The following CBLB variants were observed in gnomAD, a reference collection of about 807,000 sequenced individuals.
CBLB encodes E3 ubiquitin-protein ligase CBL-B.
CBLB carries 31 observed loss-of-function variants against 104.9 expected under a neutral mutation model. The ratio of observed to expected loss-of-function variants is 0.30; its 90% CI spans 0.22 to 0.40. The LOEUF (loss-of-function observed/expected upper bound fraction) is 0.40, where lower values mean the gene tolerates loss of function less well. Ranked by LOEUF, CBLB falls within the 10% of genes least tolerant of loss-of-function variation. The pLI is 1.00. For synonymous variants in CBLB, 440 were observed against 422.6 expected (o/e 1.04, Z -0.51); for missense variants, 1,062 against 1,214.6 (o/e 0.87, Z 1.87).
chr3:105,836,061 C>T (rs1207142292), intron 3 of CBLB, among the ~76,000 whole-genome samples: 2 of 152,174 alleles, frequency 1.3e-5, no homozygotes, highest in African/African-American at 2.4e-5. Context: ...CACTGCTTGC[C>T]TTTTGTGCCT....
chr3:105,707,557 T>C (rs2070355480), intron 10 of CBLB, among the ~76,000 whole-genome samples: 1 of 152,188 alleles, frequency 6.6e-6, no homozygotes, highest in African/African-American at 2.4e-5. Context: ...ATTATGCAGT[T>C]AGTGTACTGA....
Position 105,720,234 on chromosome 3 carries a change from C to T in CBLB, c.1220G>A (p.Gly407Asp), listed in dbSNP as rs2152826621. The T allele has an allele frequency of 6.2e-7, 1 of 1,612,846 alleles. No homozygotes were observed. Among genetic ancestry groups the T allele is most frequent in the Non-Finnish European group, 8.5e-7 (1 of 1,179,532 alleles). Residue 407 changes from glycine to aspartate, a missense_variant, in exon 10 of 19, where the codon GGC becomes GAC. This residue lies in a region of CBLB where 457 missense variants were observed against 632.0 expected (regional missense o/e 0.72). Transcript: ENST00000394030. ...LTAWQESDGQGCPFCRCEIKG... is the reference protein window; with the variant it reads ...LTAWQESDGQDCPFCRCEIKG... Reference sequence around the variant, plus strand: ...TATTTCACAACGACAGAAAGGGCAGCCCTGACCATCCGACTCCTAAACAAA... The same window carrying T: ...TATTTCACAACGACAGAAAGGGCAGTCCTGACCATCCGACTCCTAAACAAA...
At chr3:105,806,396 T>G (rs1157990663) in intron 3 of CBLB, among the ~76,000 whole-genome samples, 3 of 146,482 alleles carry the variant, frequency 2.0e-5, no homozygotes, top group Non-Finnish European at 4.5e-5. Context: ...GTCTATATTC[T>G]CAAATATTCA....
chr3:105,666,106 G>A lies in CBLB; in HGVS notation c.2689+4127C>T, dbSNP rs569015513. Among the ~76,000 whole-genome samples the A allele has an allele frequency of 1.4e-3, 212 of 151,788 alleles. 3 individuals are homozygous for A. Among genetic ancestry groups the A allele is most frequent in the African/African-American group, 4.8e-3 (197 of 41,412 alleles). On this transcript the variant is annotated intron_variant, in intron 18 of 18. Coordinates refer to ENST00000394030, the MANE Select transcript of CBLB (RefSeq NM_170662.5). ...ATAGTAAATGCTTAACAAACTTAAC[G>A]AATTTTAATTAGACAAAATAATATT... is the stretch of plus-strand genomic sequence containing the variant.
At chr3:105,800,240 C>G (rs1312113099) in intron 3 of CBLB, among the ~76,000 whole-genome samples, 2 of 152,122 alleles carry the variant, frequency 1.3e-5, no homozygotes, top group African/African-American at 4.8e-5. Context: ...ACCAGTATCC[C>G]AGAGAATCAA....
intron 4 of CBLB, among the ~76,000 whole-genome samples, chr3:105,770,494 C>G (rs2078744120): frequency 6.6e-6 from 1 of 152,146 alleles, no homozygotes; most frequent in African/African-American, 2.4e-5. Context: ...CACAGGGACC[C>G]TCTGGAAGTC....
chr3:105,666,273 T>G (rs2064450233), intron 18 of CBLB, among the ~76,000 whole-genome samples: 1 of 152,150 alleles, frequency 6.6e-6, no homozygotes, highest in Non-Finnish European at 1.5e-5. Flanking sequence ...ATACACTTAA[T>G]TGATCAAGGA....
At chr3:105,677,844 AAT>A (rs1455873910) in intron 17 of CBLB, among the ~76,000 whole-genome samples, 1 of 149,942 alleles carries the variant, frequency 6.7e-6, no homozygotes, top group African/African-American at 2.4e-5. Flanking sequence ...AATAATATTA[AAT>A]AGTTACTAAG....
At chr3:105,745,369 A>C (rs1168046424) in intron 6 of CBLB, among the ~76,000 whole-genome samples, 2 of 152,256 alleles carry the variant, frequency 1.3e-5, no homozygotes, top group Admixed American at 1.3e-4. Flanking sequence ...GTGGAAAATA[A>C]AATATAAATT....
chr3:105,697,225 C>A (rs888445893), intron 12 of CBLB, among the ~76,000 whole-genome samples: 3 of 151,618 alleles, frequency 2.0e-5, no homozygotes, highest in African/African-American at 7.3e-5. Context: ...GAAGTGTAGA[C>A]TTGTGAAAGA....
At chr3:105,765,020 G>T (rs1048102322) in intron 4 of CBLB, among the ~76,000 whole-genome samples, 1 of 152,148 alleles carries the variant, frequency 6.6e-6, no homozygotes, top group African/African-American at 2.4e-5. Context: ...TGTTTATGGG[G>T]TTTAAGAAAA....
rs79801382 is a variant in CBLB at position 105,741,927 on chromosome 3, T to C, written c.846-1296A>G. ...ATGCCTGCCATCTAACCATGTCAAA[T>C]TCAGTATCTTACAAGGGGAAGTTAA... is the stretch of plus-strand genomic sequence containing the variant. On this transcript the variant is annotated intron_variant, in intron 6 of 18. Coordinates refer to ENST00000394030, the MANE Select transcript of CBLB (RefSeq NM_170662.5). Among the ~76,000 whole-genome samples, 91 of 152,300 alleles carry C rather than the reference T, an allele frequency of 6.0e-4. 5 individuals are homozygous for C. The East Asian group carries it at 0.016, about 27-fold the overall frequency.
intron 3 of CBLB, among the ~76,000 whole-genome samples, chr3:105,812,425 A>T (rs894554826): frequency 6.6e-6 from 1 of 152,206 alleles, no homozygotes; most frequent in Non-Finnish European, 1.5e-5. Context: ...CACAAAAGTA[A>T]CACCACAACT....
intron 3 of CBLB, among the ~76,000 whole-genome samples, chr3:105,829,529 T>C (rs1356984337): frequency 2.0e-5 from 3 of 151,900 alleles, no homozygotes; most frequent in East Asian, 3.9e-4. Flanking sequence ...CATAGTGGCA[T>C]GTACCTGTAG....
At position 105,868,938 on chromosome 3, in the gene CBLB, C is replaced by A. The variant is rs559224312; in HGVS notation, c.-217G>T. On this transcript the variant is annotated 5_prime_UTR_variant, in exon 1 of 19. Transcript: ENST00000394030. ...GTCAAGACAAATCCACACCCGCTCT[C>A]CCCTCCCGCCCGACTCGGGGAGGCC... The A allele has an allele frequency of 9.8e-7, 1 of 1,024,702 alleles. No homozygotes were observed. Among genetic ancestry groups the A allele is most frequent in the South Asian group, 3.5e-5 (1 of 28,660 alleles). 63.5% of individuals were successfully genotyped at this position (1,024,702 alleles called of 1,614,324 possible).
chr3:105,717,445 A>G (rs2072070934), intron 10 of CBLB, among the ~76,000 whole-genome samples: 1 of 152,222 alleles, frequency 6.6e-6, no homozygotes, highest in South Asian at 2.1e-4. Context: ...CAGGTAGTGA[A>G]TATTTTAGGA....
At position 105,741,540 on chromosome 3, in the gene CBLB, T is replaced by C. The variant is rs781700092; in HGVS notation, c.846-909A>G. On this transcript the variant is annotated intron_variant, in intron 6 of 18. Coordinates refer to ENST00000394030, the MANE Select transcript of CBLB (RefSeq NM_170662.5). ...CCTCCCGAGTAGCTGGGACCACAGGTGCCCGCCACCACACCCAGCTAATTT... is the reference window on the plus strand; with the variant it reads ...CCTCCCGAGTAGCTGGGACCACAGGCGCCCGCCACCACACCCAGCTAATTT... 7.4e-4 allele frequency among the ~76,000 whole-genome samples: 113 copies of C among 151,952 alleles called. 1 individual carries two copies. Among genetic ancestry groups the C allele is most frequent in the Non-Finnish European group, 2.5e-4 (17 of 67,986 alleles).
chr3:105,674,288 A>T (rs1248837626), intron 17 of CBLB, among the ~76,000 whole-genome samples: 1 of 152,224 alleles, frequency 6.6e-6, no homozygotes, highest in African/African-American at 2.4e-5. Context: ...CTTTATAAAG[A>T]TTGTAGTCAA....
At chr3:105,721,246 C>T (rs762982440) in intron 9 of CBLB, among the ~76,000 whole-genome samples, 2 of 152,218 alleles carry the variant, frequency 1.3e-5, no homozygotes, top group African/African-American at 4.8e-5. Flanking sequence ...AGAGAGCTGA[C>T]GTCTTTAAAG....
Sources: allele counts gnomAD v4.1 joint callset (sites outside exome capture counted in the v4.1 genomes callset), GRCh38; gene constraint gnomAD v4.1.1; regional missense constraint gnomAD v4.1.1; transcripts MANE v1.5; gene names NCBI Gene and HGNC (gene_info 2026-07-23, HGNC 2026-07-21).